Variants in PITPNA observed in about 807,000 individuals in gnomAD.
The protein encoded by PITPNA is phosphatidylinositol transfer protein alpha, also known as phosphatidylinositol transfer protein alpha isoform.
A neutral mutation model predicts 50.3 loss-of-function variants in PITPNA; 13 were observed. The observed-to-expected ratio is 0.26, with a 90% confidence interval of 0.17 to 0.41. The LOEUF (loss-of-function observed/expected upper bound fraction) is 0.41, where lower values mean the gene tolerates loss of function less well. Among genes scored for constraint, PITPNA ranks in the 10% least tolerant of loss-of-function variants. The probability of loss-of-function intolerance (pLI) is 1.00; values close to 1 mark genes in which losing one functional copy is unlikely to be tolerated. For missense variants in PITPNA, 207 were observed against 333.4 expected, an observed-to-expected ratio of 0.62 and a Z score of 2.95; for synonymous variants, 120 against 119.6, an observed-to-expected ratio of 1.00 and a Z score of -0.02.
intron 1 of PITPNA, among the ~76,000 whole-genome samples, chr17:1,560,706 G>A (rs953993492): frequency 6.6e-6 from 1 of 152,308 alleles, no homozygotes; most frequent in African/African-American, 2.4e-5. Flanking sequence ...TGTCAGTCTG[G>A]ACACTGAAGA....
At position 1,562,683 on chromosome 17, in the gene PITPNA, G is replaced by T; in HGVS notation, c.-123C>A. The T allele has an allele frequency of 1.6e-6, 1 of 612,528 alleles. No individual in the cohort carries two copies. The highest frequency in any genetic ancestry group is 2.1e-6 in the Non-Finnish European group (1 of 467,176). 37.9% of individuals were successfully genotyped at this position (612,528 alleles called of 1,614,324 possible). A position where few individuals can be genotyped will look rare whatever the true frequency, so the allele number is the denominator to read the frequency against. On this transcript the variant is annotated 5_prime_UTR_variant, in exon 1 of 12. Transcript: ENST00000313486. This position sits in a 1 kb window ranked among gnomAD's most constrained non-coding sequence, Gnocchi z 6.4. ...GTGCGTCTTCGTCGTGCTCTGCTCCGTCCCCGCCGCCCTCGCCGCGGTCGC... is the reference window on the plus strand; with the variant it reads ...GTGCGTCTTCGTCGTGCTCTGCTCCTTCCCCGCCGCCCTCGCCGCGGTCGC...
At chr17:1,539,525 G>A (rs903208214) in intron 6 of PITPNA, among the ~76,000 whole-genome samples, 1 of 149,236 alleles carries the variant, frequency 6.7e-6, no homozygotes, top group Non-Finnish European at 1.5e-5. Context: ...TGATCCTCCT[G>A]TTACAGCCTC....
intron 10 of PITPNA, among the ~76,000 whole-genome samples, chr17:1,523,727 T>G (rs1320066773): frequency 1.3e-5 from 2 of 152,082 alleles, no homozygotes; most frequent in Non-Finnish European, 2.9e-5. Context: ...GTCAGGATGA[T>G]CTCAATCTCC....
intron 1 of PITPNA, among the ~76,000 whole-genome samples, chr17:1,559,023 A>G (rs2075754935): frequency 6.6e-6 from 1 of 151,992 alleles, no homozygotes; most frequent in African/African-American, 2.4e-5. Flanking sequence ...ACACAGGAGG[A>G]CCTATCATGG....
intron 5 of PITPNA, 121 bp downstream of exon 5, chr17:1,542,899 C>A: frequency 1.4e-6 from 1 of 726,088 alleles, no homozygotes; most frequent in South Asian, 1.6e-5. Context: ...CAGGACTGAG[C>A]CTCAGCAACT....
intron 6 of PITPNA, among the ~76,000 whole-genome samples, chr17:1,540,737 C>T (rs976789131): frequency 2.6e-5 from 4 of 152,032 alleles, no homozygotes; most frequent in African/African-American, 9.7e-5. Flanking sequence ...TACAGGTGCC[C>T]GCCATGAAGC....
chr17:1,552,634 T>A (rs1232863662), intron 3 of PITPNA, among the ~76,000 whole-genome samples: 2 of 152,220 alleles, frequency 1.3e-5, no homozygotes, highest in Non-Finnish European at 2.9e-5. Flanking sequence ...TCAGAAGATC[T>A]ACACAGAAGG....
intron 10 of PITPNA, among the ~76,000 whole-genome samples, chr17:1,524,334 G>A (rs1000104661): frequency 3.5e-5 from 5 of 144,306 alleles, no homozygotes; most frequent in East Asian, 2.0e-4. Flanking sequence ...GTGAGCCATC[G>A]CACCTGGCCT....
At chr17:1,550,380 A>AAC (rs2075702061) in intron 3 of PITPNA, among the ~76,000 whole-genome samples, 1 of 152,240 alleles carries the variant, frequency 6.6e-6, no homozygotes, top group Admixed American at 6.5e-5. Context: ...AGGATGAACC[A>AAC]ACACATGGGA....
intron 10 of PITPNA, among the ~76,000 whole-genome samples, chr17:1,531,673 A>T (rs2075584449): frequency 6.6e-6 from 1 of 152,128 alleles, no homozygotes. Flanking sequence ...TTAAAAAAAA[A>T]AAAGAACTAC....
intron 10 of PITPNA, among the ~76,000 whole-genome samples, chr17:1,521,898 A>G (rs4790550): frequency 1 from 136,322 of 136,376 alleles, 68,136 homozygotes; most frequent in Middle Eastern, 1. Context: ...TTTTTTGGTA[A>G]AGAGGTGTGT....
At chr17:1,536,868 C>T (rs2075620824) in intron 7 of PITPNA, among the ~76,000 whole-genome samples, 1 of 148,894 alleles carries the variant, frequency 6.7e-6, no homozygotes. Flanking sequence ...GCTGGGATTA[C>T]AGGCATGAGT....
At chr17:1,560,738 G>A (rs978076152) in intron 1 of PITPNA, among the ~76,000 whole-genome samples, 2 of 152,206 alleles carry the variant, frequency 1.3e-5, no homozygotes, top group East Asian at 1.9e-4. Context: ...AGTGCACCAC[G>A]TTCTCCTGTT....
At chr17:1,559,894 A>AG in intron 1 of PITPNA, 1 of 427,766 alleles carries the variant, frequency 2.3e-6, no homozygotes, top group Non-Finnish European at 3.1e-6. Context: ...GCTGCCAGTG[A>AG]GCCTCCCCTC....
At chr17:1,559,153 C>G (rs1478828404) in intron 1 of PITPNA, among the ~76,000 whole-genome samples, 3 of 152,178 alleles carry the variant, frequency 2.0e-5, no homozygotes, top group Non-Finnish European at 4.4e-5. Flanking sequence ...AGCCTAAGAA[C>G]ACACACCGGG....
chr17:1,547,866 C>T (rs1021287638), intron 4 of PITPNA, among the ~76,000 whole-genome samples: 2 of 151,726 alleles, frequency 1.3e-5, no homozygotes, highest in Non-Finnish European at 1.5e-5. Flanking sequence ...TGGCGGTATG[C>T]GCCTGTAGTC....
intron 3 of PITPNA, among the ~76,000 whole-genome samples, chr17:1,548,942 C>T (rs1411237646): frequency 6.6e-6 from 1 of 152,194 alleles, no homozygotes; most frequent in East Asian, 1.9e-4. Context: ...CCCTTTGTCG[C>T]CCAGGCTGGA....
At chr17:1,553,596 C>A (rs1397113176) in intron 2 of PITPNA, among the ~76,000 whole-genome samples, 1 of 152,082 alleles carries the variant, frequency 6.6e-6, no homozygotes, top group Non-Finnish European at 1.5e-5. Flanking sequence ...CACCACCACG[C>A]AGAAAACAGA....
Position 1,518,931 on chromosome 17 carries a change from G to A in PITPNA, c.*1630C>T, listed in dbSNP as rs1007965453. 1.3e-5 allele frequency: 2 copies of A among 152,182 alleles called. No homozygotes were observed. The highest frequency in any genetic ancestry group is 4.1e-4 in the South Asian group (2 of 4,834). 9.4% of individuals were successfully genotyped at this position (152,182 alleles called of 1,614,324 possible). A position where few individuals can be genotyped will look rare whatever the true frequency, so the allele number is the denominator to read the frequency against. The stretch of plus-strand genomic sequence containing the variant: ...CATTACTAAAGACCCCTCAAGGTGA[G>A]GAGACTTACACAGAGGAAGGTGTCT... On this transcript the variant is annotated 3_prime_UTR_variant, in exon 12 of 12. Coordinates refer to ENST00000313486, the MANE Select transcript of PITPNA (RefSeq NM_006224.4).
Sources: allele counts gnomAD v4.1 joint callset (sites outside exome capture counted in the v4.1 genomes callset), GRCh38; gene constraint gnomAD v4.1.1; non-coding constraint Gnocchi (gnomAD v3.1); transcripts MANE v1.5; gene names NCBI Gene and HGNC (gene_info 2026-07-23, HGNC 2026-07-21).